Variants in CDKAL1 observed in about 807,000 individuals in gnomAD.
The protein encoded by CDKAL1 is CDKAL1 threonylcarbamoyladenosine tRNA methylthiotransferase, also known as threonylcarbamoyladenosine tRNA methylthiotransferase.
CDKAL1 carries 32 observed loss-of-function variants against 68.2 expected under a neutral mutation model. That is an observed-to-expected ratio of 0.47 (90% CI 0.35 to 0.63). The LOEUF (loss-of-function observed/expected upper bound fraction) is 0.63. CDKAL1 is among the 30% of genes least tolerant of loss of function. The pLI is 0.00. For synonymous variants in CDKAL1, 234 were observed against 244.3 expected (o/e 0.96, Z 0.39); for missense variants, 606 against 696.7 (o/e 0.87, Z 1.47).
chr6:20,926,058 A>G (rs1026655359), intron 9 of CDKAL1, among the ~76,000 whole-genome samples: 10 of 152,176 alleles, frequency 6.6e-5, no homozygotes, highest in African/African-American at 2.4e-4. Context: ...GTTAGCTTGG[A>G]ACAATATTGC....
chr6:20,733,530 G>C (rs992324555), intron 5 of CDKAL1, among the ~76,000 whole-genome samples: 6 of 152,240 alleles, frequency 3.9e-5, no homozygotes, highest in African/African-American at 1.4e-4. Context: ...AGAGAATGAA[G>C]AGGAGGCTTG....
At chr6:21,046,928 C>A (rs1226019901) in intron 11 of CDKAL1, among the ~76,000 whole-genome samples, 1 of 152,194 alleles carries the variant, frequency 6.6e-6, no homozygotes, top group Non-Finnish European at 1.5e-5. Flanking sequence ...TCCTCGTAAA[C>A]CTTGCTTCAA....
chr6:20,718,851 G>T (rs1772213186), intron 5 of CDKAL1, among the ~76,000 whole-genome samples: 1 of 151,850 alleles, frequency 6.6e-6, no homozygotes, highest in Non-Finnish European at 1.5e-5. Flanking sequence ...TTACTATTTG[G>T]AAAAGAAAAA....
In CDKAL1 at chr6:20,893,874, A is replaced by G. The variant is rs146296063; in HGVS notation, c.742+47696A>G. On this transcript the variant is annotated intron_variant, in intron 9 of 15. Coordinates refer to ENST00000274695, the MANE Select transcript of CDKAL1 (RefSeq NM_017774.3). ...GATGATGATGATGATGATCATGAGT[A>G]ATTGTATAGTAGTATGTGAACAAAA... is the stretch of plus-strand genomic sequence containing the variant. Among the ~76,000 whole-genome samples the G allele has an allele frequency of 2.8e-4, 42 of 152,338 alleles. No homozygotes were observed. In the East Asian group the frequency reaches 7.1e-3, roughly 26 times the overall value.
chr6:21,045,374 C>T (rs1770167800), intron 11 of CDKAL1, among the ~76,000 whole-genome samples: 1 of 152,142 alleles, frequency 6.6e-6, no homozygotes, highest in African/African-American at 2.4e-5. Flanking sequence ...CTAGACCTTG[C>T]ATAGTTTGGG....
chr6:21,225,190 C>A (rs1480171041), intron 15 of CDKAL1, among the ~76,000 whole-genome samples: 2 of 152,086 alleles, frequency 1.3e-5, no homozygotes, highest in Non-Finnish European at 2.9e-5. Flanking sequence ...CAGGCCCACA[C>A]GGGGTGGGCA....
chr6:20,937,082 T>TG (rs1345369635), intron 9 of CDKAL1, among the ~76,000 whole-genome samples: 1 of 152,188 alleles, frequency 6.6e-6, no homozygotes, highest in Non-Finnish European at 1.5e-5. Context: ...AGTGTTTTTT[T>TG]TCTCTCTTTC....
chr6:20,806,930 TAGATTTA>T (rs1776596268), intron 8 of CDKAL1, among the ~76,000 whole-genome samples: 1 of 152,208 alleles, frequency 6.6e-6, no homozygotes, highest in African/African-American at 2.4e-5. Flanking sequence ...GAACAAGTCT[TAGATTTA>T]CAAATCTGTG....
intron 9 of CDKAL1, among the ~76,000 whole-genome samples, chr6:20,858,047 T>C (rs1478272409): frequency 6.6e-6 from 1 of 152,136 alleles, no homozygotes; most frequent in African/African-American, 2.4e-5. Flanking sequence ...TTAGTAGAGA[T>C]GGGTTTTTAC....
chr6:20,599,431 A>C (rs568357318), intron 4 of CDKAL1: 31 of 439,914 alleles, frequency 7.0e-5, no homozygotes, highest in African/African-American at 6.0e-5. Flanking sequence ...GAGAAGACCT[A>C]CTCTTTCTGG....
intron 6 of CDKAL1, among the ~76,000 whole-genome samples, chr6:20,744,190 A>G (rs1056063753): frequency 6.6e-6 from 1 of 152,134 alleles, no homozygotes; most frequent in African/African-American, 2.4e-5. Context: ...TTGTGAATAT[A>G]TCTGTTTGAA....
At chr6:20,845,476 C>T (rs974645297) in intron 8 of CDKAL1, among the ~76,000 whole-genome samples, 46 of 151,984 alleles carry the variant, frequency 3.0e-4, no homozygotes, top group African/African-American at 1.0e-3. Flanking sequence ...TGCCATTCTA[C>T]TTTTTTTACT....
intron 5 of CDKAL1, among the ~76,000 whole-genome samples, chr6:20,723,883 T>C (rs768351728): frequency 1.3e-5 from 2 of 152,190 alleles, no homozygotes; most frequent in Non-Finnish European, 2.9e-5. Flanking sequence ...GGAGACACCA[T>C]TCCAGATTCT....
intron 13 of CDKAL1, among the ~76,000 whole-genome samples, chr6:21,142,604 G>A (rs1022684319): frequency 2.6e-5 from 4 of 152,194 alleles, no homozygotes; most frequent in Non-Finnish European, 5.9e-5. Context: ...TAGGATAAGA[G>A]GAGCATAGTG....
chr6:20,737,068 A>G (rs1015134667), intron 5 of CDKAL1, among the ~76,000 whole-genome samples: 5 of 152,154 alleles, frequency 3.3e-5, no homozygotes, highest in Non-Finnish European at 7.3e-5. Context: ...CCAATTACAG[A>G]AATTATTTCT....
chr6:20,814,941 T>C (rs1038152231), intron 8 of CDKAL1, among the ~76,000 whole-genome samples: 4 of 152,188 alleles, frequency 2.6e-5, no homozygotes, highest in African/African-American at 9.6e-5. Flanking sequence ...GGGTTCCCCA[T>C]CTATATGTTG....
At chr6:20,565,942 G>A (rs1042539400) in intron 4 of CDKAL1, among the ~76,000 whole-genome samples, 50 of 151,988 alleles carry the variant, frequency 3.3e-4, no homozygotes, top group Non-Finnish European at 5.2e-4. Context: ...AATGCTTTCA[G>A]ATTTTTGTGG....
intron 5 of CDKAL1, among the ~76,000 whole-genome samples, chr6:20,679,299 A>T (rs1770266834): frequency 6.6e-6 from 1 of 152,202 alleles, no homozygotes; most frequent in African/African-American, 2.4e-5. Context: ...CCAACCAAAG[A>T]ATGTGTTTTA....
At chr6:20,869,171 T>C (rs1760061881) in intron 9 of CDKAL1, among the ~76,000 whole-genome samples, 1 of 152,240 alleles carries the variant, frequency 6.6e-6, no homozygotes, top group Non-Finnish European at 1.5e-5. Context: ...ATTGATATGA[T>C]GTAATTCACA....
Sources: allele counts gnomAD v4.1 joint callset (sites outside exome capture counted in the v4.1 genomes callset), GRCh38; gene constraint gnomAD v4.1.1; transcripts MANE v1.5; gene names NCBI Gene and HGNC (gene_info 2026-07-23, HGNC 2026-07-21).